The following SEL1L2 variants were observed in gnomAD, a reference collection of about 807,000 sequenced individuals.
SEL1L2 encodes the protein protein sel-1 homolog 2.
A neutral mutation model predicts 98.8 loss-of-function variants in SEL1L2; 89 were observed. The ratio of observed to expected loss-of-function variants is 0.90; its 90% CI spans 0.76 to 1.07. SEL1L2 has a LOEUF of 1.07. Among genes scored for constraint, SEL1L2 ranks in the 50% least tolerant of loss-of-function variants. The pLI, the probability that SEL1L2 is intolerant of heterozygous loss-of-function variation, is 0.00. For synonymous variants in SEL1L2, 262 were observed against 278.5 expected (o/e 0.94, Z 0.59); for missense variants, 788 against 812.0 (o/e 0.97, Z 0.36).
chr20:13,944,132 G>A (rs1342118706), intron 2 of SEL1L2, among the ~76,000 whole-genome samples: 1 of 152,140 alleles, frequency 6.6e-6, no homozygotes, highest in East Asian at 1.9e-4. Flanking sequence ...CAGTACAAAG[G>A]CCCTGAGGTA....
intron 5 of SEL1L2, among the ~76,000 whole-genome samples, chr20:13,890,222 G>A (rs1009775709): frequency 2.0e-5 from 3 of 152,098 alleles, no homozygotes; most frequent in Admixed American, 2.0e-4. Context: ...CTTTTCAGGG[G>A]GCTGTTCCAG....
chr20:13,947,681 G>A (rs530298801), intron 2 of SEL1L2, among the ~76,000 whole-genome samples: 1 of 152,312 alleles, frequency 6.6e-6, no homozygotes, highest in South Asian at 2.1e-4. Flanking sequence ...CCAGACCTAG[G>A]GACTCCCTGA....
At chr20:13,972,361 AT>A (rs1467957674) in intron 1 of SEL1L2, among the ~76,000 whole-genome samples, 1 of 152,202 alleles carries the variant, frequency 6.6e-6, no homozygotes, top group Non-Finnish European at 1.5e-5. Context: ...CATTAAATTT[AT>A]TCCTAGCTAT....
chr20:13,943,482 T>G (rs1054615135), intron 2 of SEL1L2, among the ~76,000 whole-genome samples: 6 of 150 alleles, frequency 0.04, no homozygotes, highest in Non-Finnish European at 0.083. Context: ...AGCTCTGGGT[T>G]TTTTTTTTTT....
chr20:13,901,843 A>G (rs1009999568), intron 5 of SEL1L2, among the ~76,000 whole-genome samples: 19 of 151,900 alleles, frequency 1.3e-4, no homozygotes, highest in African/African-American at 4.6e-4. Context: ...TTGTATTTTT[A>G]GTAGAGACGG....
At chr20:13,901,219 T>C (rs2047665448) in intron 5 of SEL1L2, among the ~76,000 whole-genome samples, 1 of 151,544 alleles carries the variant, frequency 6.6e-6, no homozygotes, top group African/African-American at 2.4e-5. Context: ...TACAGGCGCC[T>C]GCCCCCATGC....
At chr20:13,915,234 T>A (rs2048354721) in intron 4 of SEL1L2, 2 of 1,289,156 alleles carry the variant, frequency 1.6e-6, no homozygotes, top group Non-Finnish European at 2.0e-6. Context: ...CAGGTAGGCA[T>A]TAGAATCCTG....
At chr20:13,933,590 A>G (rs990458445) in intron 2 of SEL1L2, among the ~76,000 whole-genome samples, 1 of 152,280 alleles carries the variant, frequency 6.6e-6, no homozygotes, top group East Asian at 1.9e-4. Context: ...GTTGTAGCAT[A>G]TATCAGCACT....
At chr20:13,918,422 G>A (rs2048504781) in intron 4 of SEL1L2, among the ~76,000 whole-genome samples, 3 of 152,128 alleles carry the variant, frequency 2.0e-5, no homozygotes, top group Admixed American at 1.3e-4. Flanking sequence ...TTTAGACAAG[G>A]TAGAAAAGTG....
chr20:13,917,091 G>C (rs1288934854), intron 4 of SEL1L2, among the ~76,000 whole-genome samples: 6 of 152,096 alleles, frequency 3.9e-5, no homozygotes, highest in Non-Finnish European at 7.4e-5. Flanking sequence ...AACACACCTA[G>C]TTGGGCCCCT....
chr20:13,981,243 C>T (rs1255448287), intron 1 of SEL1L2, among the ~76,000 whole-genome samples: 1 of 151,860 alleles, frequency 6.6e-6, no homozygotes, highest in Non-Finnish European at 1.5e-5. Context: ...ACTCCACAAC[C>T]CCCCTAAAAA....
chr20:13,875,266 G>A (rs547248730), intron 12 of SEL1L2, among the ~76,000 whole-genome samples: 5 of 152,220 alleles, frequency 3.3e-5, no homozygotes, highest in South Asian at 4.1e-4. Flanking sequence ...CAGCATGCCA[G>A]GCTAATTTTT....
intron 3 of SEL1L2, among the ~76,000 whole-genome samples, chr20:13,930,140 C>G (rs1324379479): frequency 6.6e-6 from 1 of 151,934 alleles, no homozygotes; most frequent in Non-Finnish European, 1.5e-5. Flanking sequence ...TGCCTTGGGA[C>G]TCTAACTCCT....
In SEL1L2 at chr20:13,990,608, A is replaced by C; in HGVS notation, c.-74T>G. On this transcript the variant is annotated 5_prime_UTR_variant, in exon 1 of 20. Transcript: ENST00000284951. Reference sequence around the variant, plus strand: ...GATTGGCCCAAGAGCTCCTCTTCTCAGGGACTGTGGTGGGGGCAGGAGTCA... The same window carrying C: ...GATTGGCCCAAGAGCTCCTCTTCTCCGGGACTGTGGTGGGGGCAGGAGTCA... 1.7e-6 allele frequency: 2 copies of C among 1,193,386 alleles called. No individual in the cohort carries two copies. The highest frequency in any genetic ancestry group is 2.5e-6 in the Non-Finnish European group (2 of 808,440). The allele number at this position is 1,193,386 out of a possible 1,614,324, so 73.9% of individuals were successfully genotyped here.
chr20:13,971,771 T>G (rs1052380514), intron 1 of SEL1L2, among the ~76,000 whole-genome samples: 2 of 152,150 alleles, frequency 1.3e-5, no homozygotes, highest in African/African-American at 4.8e-5. Context: ...ATCATTTTTG[T>G]GATTCGTATG....
At chr20:13,903,504 C>T (rs2047777604) in intron 5 of SEL1L2, among the ~76,000 whole-genome samples, 1 of 152,184 alleles carries the variant, frequency 6.6e-6, no homozygotes, top group South Asian at 2.1e-4. Flanking sequence ...ATATGCCTTT[C>T]TTTCTATCCT....
At chr20:13,883,503 T>C (rs1332890559) in intron 10 of SEL1L2, among the ~76,000 whole-genome samples, 1 of 152,242 alleles carries the variant, frequency 6.6e-6, no homozygotes, top group Non-Finnish European at 1.5e-5. Context: ...CTGTGAGCCT[T>C]GAAGCAATTT....
intron 5 of SEL1L2, among the ~76,000 whole-genome samples, chr20:13,899,726 G>A (rs534936175): frequency 1.3e-5 from 2 of 152,206 alleles, no homozygotes; most frequent in Non-Finnish European, 2.9e-5. Context: ...ATTTTGGAGA[G>A]GACACAAACA....
At chr20:13,898,396 G>A (rs2047515032) in intron 5 of SEL1L2, among the ~76,000 whole-genome samples, 1 of 152,180 alleles carries the variant, frequency 6.6e-6, no homozygotes, top group Admixed American at 6.5e-5. Flanking sequence ...GAAAACAGGA[G>A]TATTAGAAGA....
Sources: gnomAD v4.1 joint callset for allele counts (sites outside exome capture counted in the v4.1 genomes callset) on GRCh38, gnomAD v4.1.1 for gene constraint, MANE v1.5 for transcripts, NCBI Gene and HGNC (gene_info 2026-07-23, HGNC 2026-07-21) for gene names.